The following IQCJ variants were observed in gnomAD, a reference collection of about 807,000 sequenced individuals.
IQCJ encodes the protein IQ domain-containing protein J.
A neutral mutation model predicts 11.0 loss-of-function variants in IQCJ; 9 were observed. The ratio of observed to expected loss-of-function variants is 0.82; its 90% CI spans 0.49 to 1.43. The LOEUF (loss-of-function observed/expected upper bound fraction) is 1.43. IQCJ is among the 40% of genes most tolerant of loss of function. IQCJ has a pLI of 0.00. For missense variants in IQCJ, 146 were observed against 133.2 expected, an observed-to-expected ratio of 1.10 and a Z score of -0.47; for synonymous variants, 55 against 51.3, an observed-to-expected ratio of 1.07 and a Z score of -0.31.
intron 1 of IQCJ, among the ~76,000 whole-genome samples, chr3:159,170,894 A>G (rs1344526827): frequency 6.6e-6 from 1 of 152,138 alleles, no homozygotes; most frequent in Non-Finnish European, 1.5e-5. Flanking sequence ...TTAGCTTTCC[A>G]TTCCCAGCTA....
chr3:159,121,093 G>A (rs1719349618), intron 1 of IQCJ, among the ~76,000 whole-genome samples: 2 of 151,486 alleles, frequency 1.3e-5, no homozygotes, highest in South Asian at 4.2e-4. Flanking sequence ...AATATACCCA[G>A]CCTATGCTGC....
intron 1 of IQCJ, among the ~76,000 whole-genome samples, chr3:159,162,552 G>A (rs899434759): frequency 6.6e-6 from 1 of 152,178 alleles, no homozygotes; most frequent in Non-Finnish European, 1.5e-5. Context: ...GCCCTGGGCA[G>A]CACTTCCAAC....
intron 1 of IQCJ, among the ~76,000 whole-genome samples, chr3:159,132,411 A>C (rs555903191): frequency 6.6e-6 from 1 of 152,300 alleles, no homozygotes; most frequent in Admixed American, 6.5e-5. Context: ...CTTCCCCTAA[A>C]TGATTGAGTT....
chr3:159,073,280 C>G (rs544883837), intron 1 of IQCJ, among the ~76,000 whole-genome samples: 1 of 152,114 alleles, frequency 6.6e-6, no homozygotes, highest in African/African-American at 2.4e-5. Flanking sequence ...TGTCAGCTAA[C>G]TGCACTTCTT....
chr3:159,076,751 G>A (rs780619125), intron 1 of IQCJ, among the ~76,000 whole-genome samples: 25 of 152,110 alleles, frequency 1.6e-4, no homozygotes, highest in Non-Finnish European at 3.1e-4. Flanking sequence ...ATCATTAGGA[G>A]CACAGAGACA....
At chr3:159,091,686 A>G (rs867738941) in intron 1 of IQCJ, among the ~76,000 whole-genome samples, 9,283 of 145,444 alleles carry the variant, frequency 0.064, 479 homozygotes, top group African/African-American at 0.12. Flanking sequence ...ACACACACAC[A>G]CACACACACA....
chr3:159,210,740 G>T (rs771470655), intron 1 of IQCJ, among the ~76,000 whole-genome samples: 1 of 151,908 alleles, frequency 6.6e-6, no homozygotes, highest in Non-Finnish European at 1.5e-5. Context: ...GCCCAATCTC[G>T]GCCCACTGCA....
chr3:159,238,170 A>G (rs1033891958), intron 1 of IQCJ, among the ~76,000 whole-genome samples: 1 of 152,176 alleles, frequency 6.6e-6, no homozygotes, highest in Non-Finnish European at 1.5e-5. Flanking sequence ...CACTCTATGG[A>G]AACTATGGCC....
intron 1 of IQCJ, among the ~76,000 whole-genome samples, chr3:159,101,704 C>A (rs1717935330): frequency 6.6e-6 from 1 of 152,164 alleles, no homozygotes; most frequent in South Asian, 2.1e-4. Flanking sequence ...GTGTTTCTGA[C>A]TGATCTTCTT....
chr3:159,169,891 T>A (rs1228077432), intron 1 of IQCJ, among the ~76,000 whole-genome samples: 1 of 152,160 alleles, frequency 6.6e-6, no homozygotes, highest in Non-Finnish European at 1.5e-5. Flanking sequence ...CAGACCTGAC[T>A]TGTACCCATC....
chr3:159,252,311 G>C (rs568038245), intron 2 of IQCJ, among the ~76,000 whole-genome samples: 2 of 152,326 alleles, frequency 1.3e-5, no homozygotes, highest in Non-Finnish European at 2.9e-5. Context: ...GCTTACAAAT[G>C]AAAGGAGGAA....
intron 1 of IQCJ, among the ~76,000 whole-genome samples, chr3:159,169,639 A>G (rs1722386648): frequency 6.6e-6 from 1 of 152,142 alleles, no homozygotes. Flanking sequence ...TACCAGAATA[A>G]AAATGAAAAA....
intron 1 of IQCJ, among the ~76,000 whole-genome samples, chr3:159,154,341 G>A (rs765707801): frequency 1.3e-5 from 2 of 152,176 alleles, no homozygotes; most frequent in Non-Finnish European, 2.9e-5. Context: ...CAAACACAAT[G>A]AGAGGCCTTG....
At chr3:159,248,022 A>T (rs1017043371) in intron 2 of IQCJ, among the ~76,000 whole-genome samples, 1 of 152,190 alleles carries the variant, frequency 6.6e-6, no homozygotes, top group African/African-American at 2.4e-5. Context: ...AAATGTTGTT[A>T]AAAAATATCC....
At chr3:159,211,613 T>G (rs1346001238) in intron 1 of IQCJ, among the ~76,000 whole-genome samples, 1 of 152,180 alleles carries the variant, frequency 6.6e-6, no homozygotes, top group Non-Finnish European at 1.5e-5. Flanking sequence ...ATTGACAACT[T>G]TACTTTCAAT....
intron 1 of IQCJ, among the ~76,000 whole-genome samples, chr3:159,226,890 G>C (rs1458463490): frequency 6.6e-6 from 1 of 152,208 alleles, no homozygotes; most frequent in Admixed American, 6.5e-5. Flanking sequence ...TTTTATGTAA[G>C]TGTTTTATGT....
At chr3:159,089,336 TC>T (rs1427986408) in intron 1 of IQCJ, among the ~76,000 whole-genome samples, 1 of 152,196 alleles carries the variant, frequency 6.6e-6, no homozygotes, top group Non-Finnish European at 1.5e-5. Context: ...GACCTTTCTT[TC>T]TGGCTGCCCT....
intron 1 of IQCJ, among the ~76,000 whole-genome samples, chr3:159,155,138 G>A (rs931746101): frequency 1.3e-5 from 2 of 151,908 alleles, no homozygotes; most frequent in Non-Finnish European, 1.5e-5. Flanking sequence ...GATCTTTAGT[G>A]AAGGGCAGCA....
intron 1 of IQCJ, among the ~76,000 whole-genome samples, chr3:159,230,835 C>T (rs1442113207): frequency 6.6e-6 from 1 of 152,146 alleles, no homozygotes; most frequent in African/African-American, 2.4e-5. Flanking sequence ...TCAACTTCTC[C>T]ACCCAGAAAT....
Sources: allele counts gnomAD v4.1 joint callset (sites outside exome capture counted in the v4.1 genomes callset), GRCh38; gene constraint gnomAD v4.1.1; transcripts MANE v1.5; gene names NCBI Gene and HGNC (gene_info 2026-07-23, HGNC 2026-07-21).